The following NFASC variants were observed in gnomAD, a reference collection of about 807,000 sequenced individuals.
NFASC encodes neurofascin homolog.
A neutral mutation model predicts 147.5 loss-of-function variants in NFASC; 43 were observed. That is an observed-to-expected ratio of 0.29 (90% CI 0.23 to 0.38). NFASC has a LOEUF of 0.38. Among genes scored for constraint, NFASC ranks in the 10% least tolerant of loss-of-function variants. NFASC has a pLI of 1.00. For missense variants in NFASC, 1,320 were observed against 1,689.0 expected (o/e 0.78, Z 3.83); for synonymous variants, 622 against 665.5 (o/e 0.93, Z 1.01).
intron 27 of NFASC, among the ~76,000 whole-genome samples, chr1:205,005,002 G>A (rs1351663777): frequency 2.6e-5 from 4 of 152,206 alleles, no homozygotes; most frequent in Non-Finnish European, 5.9e-5. Flanking sequence ...ATGGGGTAAG[G>A]CAGGAGGATG....
At chr1:205,000,390 C>G (rs954581494) in intron 25 of NFASC, 1 of 152,388 alleles carries the variant, frequency 6.6e-6, no homozygotes, top group Non-Finnish European at 1.5e-5. Flanking sequence ...ACCAGCCTCA[C>G]CTGTCTGGAT....
rs747569326 is a variant in NFASC, at chr1:205,012,859, G to A, written c.3484G>A (p.Asp1162Asn). 1 of 1,611,704 alleles carries A rather than the reference G, an allele frequency of 6.2e-7. No homozygotes were observed. Among genetic ancestry groups the A allele is most frequent in the South Asian group, 1.1e-5 (1 of 91,038 alleles). Residue 1162 changes from aspartate to asparagine, a missense_variant, in exon 29 of 30, where the codon GAC (aspartate) becomes AAC (asparagine). By Grantham distance (23) the Asp-to-Asn change is conservative. This residue lies in a region of NFASC where 167 missense variants were observed against 233.8 expected (regional missense o/e 0.71). Transcript: ENST00000339876. Reference sequence around the variant, plus strand: ...CCCCAAGGAAGAGGATGGCTCATTTGACTATAGGTGCGTGATCTCCCTCCT... The same window carrying A: ...CCCCAAGGAAGAGGATGGCTCATTTAACTATAGGTGCGTGATCTCCCTCCT... ...EDPKEEDGSFDYSDEDNKPLQ... is the reference protein window; with the variant it reads ...EDPKEEDGSFNYSDEDNKPLQ...
chr1:204,930,814 G>A (rs1268188519), intron 2 of NFASC, among the ~76,000 whole-genome samples: 1 of 152,248 alleles, frequency 6.6e-6, no homozygotes, highest in Non-Finnish European at 1.5e-5. Flanking sequence ...AGCAGAGATG[G>A]CAGGAGGTGC....
At chr1:204,912,910 C>T (rs1006029926) in intron 1 of NFASC, among the ~76,000 whole-genome samples, 2 of 152,112 alleles carry the variant, frequency 1.3e-5, no homozygotes, top group Admixed American at 1.3e-4. Context: ...TGCCTATAAT[C>T]CCAGCTACTC....
chr1:204,901,374 G>A (rs1412823866), intron 1 of NFASC, among the ~76,000 whole-genome samples: 1 of 152,202 alleles, frequency 6.6e-6, no homozygotes, highest in African/African-American at 2.4e-5. Flanking sequence ...CAGAGGAACA[G>A]CAATGAGAAA....
At chr1:204,859,956 TG>T (rs997654091) in intron 1 of NFASC, among the ~76,000 whole-genome samples, 2 of 152,104 alleles carry the variant, frequency 1.3e-5, no homozygotes, top group Admixed American at 6.5e-5. Flanking sequence ...AGCCTTGAGC[TG>T]GGGGTGCAGA....
At chr1:204,973,181 C>A (rs1450831030) in intron 11 of NFASC, 95 bp from the exon 12 acceptor site, 1 of 1,382,260 alleles carries the variant, frequency 7.2e-7, no homozygotes, top group Non-Finnish European at 1.0e-6. Context: ...CCCCACAGCA[C>A]CCCGCTTGTT....
chr1:204,919,264 A>G (rs962191424), intron 1 of NFASC, among the ~76,000 whole-genome samples: 2 of 152,124 alleles, frequency 1.3e-5, no homozygotes, highest in African/African-American at 4.8e-5. Context: ...AGCTCAGGCA[A>G]TCTGCCTGCC....
In NFASC at chr1:204,944,421, ATTCTC is replaced by A; in HGVS notation, c.91+23_91+27del. The A allele has an allele frequency of 8.3e-7, 1 of 1,211,582 alleles. No individual in the cohort carries two copies. Among genetic ancestry groups the A allele is most frequent in the Non-Finnish European group, 1.1e-6 (1 of 918,664 alleles). The allele number at this position is 1,211,582 out of a possible 1,614,324, so 75.1% of individuals were successfully genotyped here. ...TCCTATGGATCGTGAGTCCTGCCCC[ATTCTC>A]TTCTCTTTTTTTTCCTGATTTTGGG... On this transcript the variant is annotated intron_variant, in intron 3 of 29. Coordinates refer to ENST00000339876, the MANE Select transcript of NFASC (RefSeq NM_001005388.3).
intron 2 of NFASC, among the ~76,000 whole-genome samples, chr1:204,939,230 A>G (rs1318322067): frequency 1.3e-5 from 2 of 151,994 alleles, no homozygotes; most frequent in African/African-American, 4.8e-5. Flanking sequence ...GCCCCCTGCA[A>G]TGAGCCCTCC....
intron 27 of NFASC, among the ~76,000 whole-genome samples, chr1:205,004,702 T>G (rs16854926): frequency 0.026 from 3,984 of 152,302 alleles, 178 homozygotes; most frequent in African/African-American, 0.091. Flanking sequence ...GATCTCTGTG[T>G]TTCATTAAAG....
Position 204,954,529 on chromosome 1 carries a change from T to C in NFASC, c.412+145T>C. The C allele has an allele frequency of 1.3e-6, 1 of 777,996 alleles. No individual in the cohort carries two copies. The highest frequency in any genetic ancestry group is 2.0e-6 in the Non-Finnish European group (1 of 494,892). 48.2% of individuals were successfully genotyped at this position (777,996 alleles called of 1,614,324 possible). Reference sequence around the variant, plus strand: ...TCTATGCATCTTCCCCACCTCAGAATGATTCCCTGGAAAGGAAGCTCCCAA... The same window carrying C: ...TCTATGCATCTTCCCCACCTCAGAACGATTCCCTGGAAAGGAAGCTCCCAA... On this transcript the variant is annotated intron_variant, in intron 6 of 29. Coordinates refer to ENST00000339876, the MANE Select transcript of NFASC (RefSeq NM_001005388.3). The surrounding 1 kb of genome is among the most constrained non-coding windows in gnomAD (Gnocchi z 5.7).
intron 1 of NFASC, among the ~76,000 whole-genome samples, chr1:204,910,422 G>C (rs1203726088): frequency 1.3e-5 from 2 of 151,970 alleles, no homozygotes; most frequent in Non-Finnish European, 2.9e-5. Context: ...TGCAACTTTG[G>C]TGTATTCATT....
chr1:204,997,576 G>A (rs553421372), intron 25 of NFASC, 170 bp downstream of exon 25: 56 of 752,376 alleles, frequency 7.4e-5, no homozygotes, highest in Admixed American at 1.1e-4. Flanking sequence ...GCTCAGTCCC[G>A]TAGCCTGGAG....
intron 5 of NFASC, among the ~76,000 whole-genome samples, chr1:204,953,886 G>A (rs889236758): frequency 1.3e-4 from 20 of 152,130 alleles, no homozygotes; most frequent in Admixed American, 1.1e-3. Flanking sequence ...CATAACCCCC[G>A]AGTAGCTACT....
intron 27 of NFASC, among the ~76,000 whole-genome samples, chr1:205,008,142 G>A (rs1304518508): frequency 6.6e-6 from 1 of 152,034 alleles, no homozygotes; most frequent in East Asian, 1.9e-4. Context: ...CCCTTGACTG[G>A]GCACTGGGAA....
Position 204,917,728 on chromosome 1 carries a change from C to T in NFASC, c.-199-2904C>T, listed in dbSNP as rs75316645. 3.2e-4 allele frequency among the ~76,000 whole-genome samples: 49 copies of T among 152,258 alleles called. No individual in the cohort carries two copies. The East Asian group carries it at 7.0e-3, about 22-fold the overall frequency. ...GACATGACTCTACTAGTCTTTGACA[C>T]GACTCTACTGGTCTTTGACACTCTG... On this transcript the variant is annotated intron_variant, in intron 1 of 29. Coordinates refer to ENST00000339876, the MANE Select transcript of NFASC (RefSeq NM_001005388.3).
chr1:204,937,616 A>G (rs142411810), intron 2 of NFASC, among the ~76,000 whole-genome samples: 3 of 152,204 alleles, frequency 2.0e-5, no homozygotes, highest in African/African-American at 4.8e-5. Context: ...ATGTCTTTCC[A>G]TGGCTTGGTA....
intron 15 of NFASC, 51 bp from the exon 16 acceptor site, chr1:204,976,620 C>A: frequency 7.0e-7 from 1 of 1,422,092 alleles, no homozygotes; most frequent in Non-Finnish European, 9.8e-7. Flanking sequence ...ATGGGCAGGA[C>A]TCAGCACTCC....
Sources: allele counts gnomAD v4.1 joint callset (sites outside exome capture counted in the v4.1 genomes callset), GRCh38; gene constraint gnomAD v4.1.1; regional missense constraint gnomAD v4.1.1; non-coding constraint Gnocchi (gnomAD v3.1); transcripts MANE v1.5; gene names NCBI Gene and HGNC (gene_info 2026-07-23, HGNC 2026-07-21).